The following FHIT variants were observed in gnomAD, a reference collection of about 807,000 sequenced individuals.
FHIT encodes bis(5'-adenosyl)-triphosphatase.
Under a neutral mutation model 17.9 loss-of-function variants are expected in FHIT, and 19 were observed. The ratio of observed to expected loss-of-function variants is 1.06; its 90% CI spans 0.74 to 1.56. The LOEUF is 1.56. Among genes scored for constraint, FHIT ranks in the 40% most tolerant of loss-of-function variants. The probability of loss-of-function intolerance (pLI) is 0.00; values close to 1 mark genes in which losing one functional copy is unlikely to be tolerated. For synonymous variants in FHIT, 81 were observed against 69.7 expected (o/e 1.16, Z -0.81); for missense variants, 248 against 189.2 (o/e 1.31, Z -1.82).
chr3:59,750,283 G>C (rs1175077766), intron 9 of FHIT: 1 of 225,662 alleles, frequency 4.4e-6, no homozygotes, highest in Non-Finnish European at 8.8e-6. Context: ...TTGGGAAAAA[G>C]GCTAAAGCTT....
intron 8 of FHIT, among the ~76,000 whole-genome samples, chr3:59,887,053 G>A (rs1703654251): frequency 6.6e-6 from 1 of 151,950 alleles, no homozygotes; most frequent in Non-Finnish European, 1.5e-5. Flanking sequence ...TTGGCTAAGT[G>A]TGTATGGAGC....
chr3:60,071,418 C>T (rs575045462), intron 5 of FHIT, among the ~76,000 whole-genome samples: 6 of 152,202 alleles, frequency 3.9e-5, no homozygotes, highest in South Asian at 2.1e-4. Flanking sequence ...ATATTTCTAC[C>T]GGGCACTGCA....
chr3:59,830,262 G>A (rs1701120903), intron 8 of FHIT, among the ~76,000 whole-genome samples: 1 of 152,098 alleles, frequency 6.6e-6, no homozygotes, highest in Non-Finnish European at 1.5e-5. Flanking sequence ...ATTTATTTTT[G>A]TACCTCCTCT....
At chr3:61,164,175 T>C (rs898024574) in intron 2 of FHIT, among the ~76,000 whole-genome samples, 1 of 152,158 alleles carries the variant, frequency 6.6e-6, no homozygotes, top group African/African-American at 2.4e-5. Context: ...AGAAAAGACC[T>C]AGATAAAAAT....
chr3:60,855,711 G>T (rs546251922), intron 3 of FHIT, among the ~76,000 whole-genome samples: 2 of 152,232 alleles, frequency 1.3e-5, no homozygotes, highest in Non-Finnish European at 2.9e-5. Context: ...ATTCAAGAGT[G>T]ACTACAAAAC....
intron 5 of FHIT, among the ~76,000 whole-genome samples, chr3:60,463,780 C>G (rs1313288824): frequency 2.0e-5 from 3 of 152,190 alleles, no homozygotes; most frequent in Admixed American, 6.5e-5. Context: ...CTCTGGGCAT[C>G]AGTGTTAACT....
intron 3 of FHIT, among the ~76,000 whole-genome samples, chr3:60,924,369 G>A (rs1199008002): frequency 3.9e-5 from 6 of 152,128 alleles, no homozygotes; most frequent in Non-Finnish European, 8.8e-5. Context: ...ACTTCCAGAG[G>A]AACAATCAGT....
intron 5 of FHIT, among the ~76,000 whole-genome samples, chr3:60,218,239 G>C (rs1419273399): frequency 6.6e-6 from 1 of 152,078 alleles, no homozygotes; most frequent in Non-Finnish European, 1.5e-5. Flanking sequence ...GCTTGTGAAA[G>C]AATGAGATAC....
intron 2 of FHIT, among the ~76,000 whole-genome samples, chr3:61,170,659 A>T (rs1482290066): frequency 6.6e-6 from 1 of 152,200 alleles, no homozygotes; most frequent in Non-Finnish European, 1.5e-5. Context: ...TTTGCTAAGG[A>T]TAATGGCCTC....
intron 5 of FHIT, among the ~76,000 whole-genome samples, chr3:60,298,607 C>A (rs1292838057): frequency 6.6e-6 from 1 of 152,104 alleles, no homozygotes; most frequent in Non-Finnish European, 1.5e-5. Context: ...TACTTTTTTG[C>A]AGATATTCTT....
At chr3:60,177,357 A>C (rs1010591445) in intron 5 of FHIT, among the ~76,000 whole-genome samples, 1 of 152,206 alleles carries the variant, frequency 6.6e-6, no homozygotes, top group Non-Finnish European at 1.5e-5. Context: ...GCCAGGCAAA[A>C]GTACTAGCAC....
At chr3:60,484,460 A>T (rs1188824742) in intron 5 of FHIT, among the ~76,000 whole-genome samples, 2 of 152,226 alleles carry the variant, frequency 1.3e-5, no homozygotes, top group Non-Finnish European at 2.9e-5. Context: ...TGGTACTGGT[A>T]TCAAAACAGA....
In FHIT at chr3:60,576,949, T is replaced by TACATACACAC. The variant is rs1553657814; in HGVS notation, c.-17-39971_-17-39970insGTGTGTATGT. On this transcript the variant is annotated intron_variant, in intron 4 of 9. Transcript: ENST00000492590. The stretch of plus-strand genomic sequence containing the variant: ...AATTACATATTTGCATCCATTTGCA[T>TACATACACAC]ACACACACACACACACACACACACA... Among the ~76,000 whole-genome samples, 13 of 146,746 alleles carry TACATACACAC rather than the reference T, an allele frequency of 8.9e-5. 1 individual carries two copies. The Admixed American group carries it at 8.9e-4, about 10-fold the overall frequency.
chr3:60,165,853 T>C (rs1701149429), intron 5 of FHIT, among the ~76,000 whole-genome samples: 1 of 152,096 alleles, frequency 6.6e-6, no homozygotes, highest in African/African-American at 2.4e-5. Flanking sequence ...GGTGAACAAT[T>C]TCAGGGCTGT....
chr3:61,034,790 C>T (rs1360220543), intron 3 of FHIT, among the ~76,000 whole-genome samples: 4 of 151,968 alleles, frequency 2.6e-5, no homozygotes, highest in African/African-American at 9.7e-5. Context: ...GGTATATATC[C>T]AAAAGGATTG....
At chr3:60,972,643 A>G (rs547946038) in intron 3 of FHIT, among the ~76,000 whole-genome samples, 2 of 152,006 alleles carry the variant, frequency 1.3e-5, no homozygotes, top group African/African-American at 4.8e-5. Flanking sequence ...CTATTCTTCA[A>G]ATAATACTTA....
In FHIT at chr3:60,758,124, T is replaced by C. The variant is rs151090738; in HGVS notation, c.-18+63795A>G. Among the ~76,000 whole-genome samples the C allele has an allele frequency of 8.1e-3, 1,235 of 152,268 alleles. 11 individuals are homozygous for C. The highest frequency in any genetic ancestry group is 0.01 in the Non-Finnish European group (696 of 68,016). On this transcript the variant is annotated intron_variant, in intron 4 of 9. Coordinates refer to ENST00000492590, the MANE Select transcript of FHIT (RefSeq NM_002012.4). Reference sequence around the variant, plus strand: ...CCTCCAAGCAGAGTTTCTCACAGGTTGGTTGTATCCCACCACCCAGGGCTG... The same window carrying C: ...CCTCCAAGCAGAGTTTCTCACAGGTCGGTTGTATCCCACCACCCAGGGCTG...
chr3:60,330,766 G>A (rs1283312010), intron 5 of FHIT, among the ~76,000 whole-genome samples: 1 of 152,186 alleles, frequency 6.6e-6, no homozygotes, highest in Non-Finnish European at 1.5e-5. Context: ...GAACGGGATT[G>A]CAAAATCTGA....
At chr3:60,130,670 C>T (rs2064018) in intron 5 of FHIT, among the ~76,000 whole-genome samples, 30,337 of 151,618 alleles carry the variant, frequency 0.2, 3,384 homozygotes, top group Admixed American at 0.3. Flanking sequence ...AAAATTATTT[C>T]CTTTCCAAAA....
Sources: allele counts gnomAD v4.1 joint callset (sites outside exome capture counted in the v4.1 genomes callset), GRCh38; gene constraint gnomAD v4.1.1; transcripts MANE v1.5; gene names NCBI Gene and HGNC (gene_info 2026-07-23, HGNC 2026-07-21).